Variants in RALGAPB observed in about 807,000 individuals in gnomAD.
The protein encoded by RALGAPB is ral GTPase-activating protein subunit beta.
RALGAPB carries 25 observed loss-of-function variants against 161.1 expected under a neutral mutation model. The ratio of observed to expected loss-of-function variants is 0.16; its 90% CI spans 0.11 to 0.22. The LOEUF is 0.22. Ranked by LOEUF, RALGAPB falls within the 10% of genes least tolerant of loss-of-function variation. The pLI is 1.00. For synonymous variants in RALGAPB, 629 were observed against 626.1 expected (o/e 1.00, Z -0.07); for missense variants, 1,391 against 1,815.2 (o/e 0.77, Z 4.25).
At chr20:38,489,353 A>C (rs1042299305) in intron 2 of RALGAPB, among the ~76,000 whole-genome samples, 1 of 152,106 alleles carries the variant, frequency 6.6e-6, no homozygotes, top group Non-Finnish European at 1.5e-5. Flanking sequence ...TAATTTAAAA[A>C]ATTTTTTTAT....
intron 1 of RALGAPB, among the ~76,000 whole-genome samples, chr20:38,474,220 C>T (rs1316899267): frequency 1.3e-5 from 2 of 152,166 alleles, no homozygotes; most frequent in South Asian, 2.1e-4. Flanking sequence ...ATCCTCTGAA[C>T]GTTCTGGCCA....
At chr20:38,487,180 T>G (rs543915729) in intron 1 of RALGAPB, among the ~76,000 whole-genome samples, 1 of 152,276 alleles carries the variant, frequency 6.6e-6, no homozygotes, top group East Asian at 1.9e-4. Flanking sequence ...GACCAGTGAC[T>G]TAGGGTAAGA....
chr20:38,549,981 C>A (rs1038921951), intron 20 of RALGAPB, among the ~76,000 whole-genome samples: 2 of 152,192 alleles, frequency 1.3e-5, no homozygotes, highest in African/African-American at 4.8e-5. Context: ...ATGATGAGTT[C>A]ATGTCCTTTG....
intron 7 of RALGAPB, 129 bp downstream of exon 7, chr20:38,516,499 G>A: frequency 1.1e-6 from 1 of 935,860 alleles, no homozygotes; most frequent in Non-Finnish European, 1.5e-6. Flanking sequence ...TAACAAGCGA[G>A]GAAAAATTAT....
rs182340278 is a variant in RALGAPB at position 38,501,105 on chromosome 20, A to C, written c.740+1472A>C. On this transcript the variant is annotated intron_variant, in intron 5 of 29. Coordinates refer to ENST00000262879, the MANE Select transcript of RALGAPB (RefSeq NM_020336.4). ...GATGATCTAGCTAAGATCATTGACG[A>C]AGGTGGCCTCACTAAACAACAGATT... 5.1e-4 allele frequency among the ~76,000 whole-genome samples: 77 copies of C among 152,322 alleles called. No homozygotes were observed. The East Asian group carries it at 0.013, about 27-fold the overall frequency.
At chr20:38,510,909 CAAA>C (rs770635898) in intron 6 of RALGAPB, among the ~76,000 whole-genome samples, 13 of 52,858 alleles carry the variant, frequency 2.5e-4, no homozygotes, top group Admixed American at 9.8e-4. Flanking sequence ...GACTCCGTCT[CAAA>C]AAAAAAAAAA....
chr20:38,547,600 T>C (rs918385730), intron 19 of RALGAPB: 8 of 152,194 alleles, frequency 5.3e-5, no homozygotes, highest in African/African-American at 1.7e-4. Context: ...GAGTAAGAGC[T>C]CATAAATCCA....
intron 5 of RALGAPB, among the ~76,000 whole-genome samples, chr20:38,506,041 T>C (rs1165963687): frequency 1.3e-5 from 1 of 79,890 alleles, no homozygotes; most frequent in Non-Finnish European, 2.4e-5. Context: ...AGAGTAAAAA[T>C]TGAATTTGCC....
intron 10 of RALGAPB, among the ~76,000 whole-genome samples, chr20:38,522,177 T>C (rs1379963050): frequency 6.6e-6 from 1 of 152,238 alleles, no homozygotes; most frequent in Non-Finnish European, 1.5e-5. Flanking sequence ...GCACATTTAT[T>C]TACTGTAGGG....
chr20:38,524,580 G>C (rs1260846069), intron 10 of RALGAPB, among the ~76,000 whole-genome samples, 198 bp from the exon 11 acceptor site: 1 of 152,096 alleles, frequency 6.6e-6, no homozygotes, highest in Non-Finnish European at 1.5e-5. Flanking sequence ...CCTTTAAAGG[G>C]TAAAATTCCA....
chr20:38,528,911 A>G (rs555997557), intron 13 of RALGAPB, among the ~76,000 whole-genome samples: 5 of 152,086 alleles, frequency 3.3e-5, no homozygotes, highest in African/African-American at 1.2e-4. Context: ...TGAACTCCTG[A>G]TAGCAAATGA....
At chr20:38,561,366 A>G (rs1198085843) in intron 23 of RALGAPB, among the ~76,000 whole-genome samples, 1 of 152,200 alleles carries the variant, frequency 6.6e-6, no homozygotes, top group Non-Finnish European at 1.5e-5. Flanking sequence ...TTAAGAGGTA[A>G]TGACCTTGAG....
At chr20:38,560,335 T>A (rs1313866876) in intron 23 of RALGAPB, among the ~76,000 whole-genome samples, 1 of 152,164 alleles carries the variant, frequency 6.6e-6, no homozygotes, top group East Asian at 1.9e-4. Flanking sequence ...TTTAAGAAGG[T>A]GGCCTGGAGG....
intron 6 of RALGAPB, among the ~76,000 whole-genome samples, 169 bp downstream of exon 6, chr20:38,509,377 C>G (rs1450480114): frequency 6.6e-6 from 1 of 152,204 alleles, no homozygotes. Context: ...TCCTGCTCTC[C>G]CCGTCCCAGC....
intron 23 of RALGAPB, among the ~76,000 whole-genome samples, chr20:38,558,716 A>G (rs2087682196): frequency 6.6e-6 from 1 of 152,164 alleles, no homozygotes. Context: ...ACATTGATTA[A>G]TGAGTGGATA....
At chr20:38,484,776 A>T (rs1321035272) in intron 1 of RALGAPB, among the ~76,000 whole-genome samples, 2 of 152,198 alleles carry the variant, frequency 1.3e-5, no homozygotes, top group Non-Finnish European at 2.9e-5. Context: ...GCTCACAGCA[A>T]CCTCTGTCTT....
chr20:38,532,452 A>T (rs2086683583), intron 14 of RALGAPB, among the ~76,000 whole-genome samples: 1 of 152,172 alleles, frequency 6.6e-6, no homozygotes, highest in African/African-American at 2.4e-5. Flanking sequence ...AGTGAAGTCT[A>T]GTAAAGATGA....
intron 5 of RALGAPB, among the ~76,000 whole-genome samples, chr20:38,501,872 T>C (rs2085606192): frequency 6.6e-6 from 1 of 152,228 alleles, no homozygotes; most frequent in Admixed American, 6.5e-5. Flanking sequence ...CCTAGAAATA[T>C]TGAAAAAATT....
At chr20:38,565,227 C>T in intron 24 of RALGAPB, 132 bp from the exon 25 acceptor site, 1 of 951,442 alleles carries the variant, frequency 1.1e-6, no homozygotes, top group South Asian at 2.1e-5. Context: ...TTCTTTCATA[C>T]TAATTGGTTC....
Sources: gnomAD v4.1 joint callset for allele counts (sites outside exome capture counted in the v4.1 genomes callset) on GRCh38, gnomAD v4.1.1 for gene constraint, MANE v1.5 for transcripts, NCBI Gene and HGNC (gene_info 2026-07-23, HGNC 2026-07-21) for gene names.